FANCM: variants seen among roughly 807,000 people sequenced by gnomAD.
The protein encoded by FANCM is FA complementation group M, also known as Fanconi anemia group M protein.
In FANCM, 140 loss-of-function variants were observed where a neutral mutation model predicts 199.5. The ratio of observed to expected loss-of-function variants is 0.70; its 90% CI spans 0.61 to 0.81. The LOEUF (loss-of-function observed/expected upper bound fraction) is 0.81. FANCM is among the 30% of genes least tolerant of loss of function. FANCM has a pLI of 0.00. For synonymous variants in FANCM, 840 were observed against 836.8 expected (o/e 1.00, Z -0.07); for missense variants, 2,410 against 2,421.4 (o/e 1.00, Z 0.10).
rs375732305 is a variant in FANCM, at chr14:45,196,153, G to A, written c.5341-19G>A. 39 of 1,614,006 alleles carry A rather than the reference G, an allele frequency of 2.4e-5. No homozygotes were observed. In the African/African-American group the frequency reaches 5.1e-4, roughly 21 times the overall value. On this transcript the variant is annotated intron_variant, in intron 20 of 22. Transcript: ENST00000267430. ...TATGCATTTAACCTGAATGTGACCA[G>A]TGTTTTCCACTTTTTCAGGATGGTA...
chr14:45,161,743 C>G (rs1033736877), intron 9 of FANCM, among the ~76,000 whole-genome samples: 12 of 152,026 alleles, frequency 7.9e-5, no homozygotes, highest in African/African-American at 2.9e-4. Context: ...CACCACTGCA[C>G]TTCAGCCTGG....
Position 45,143,754 on chromosome 14 carries a change from C to T in FANCM, c.759+3045C>T, listed in dbSNP as rs192339099. On this transcript the variant is annotated intron_variant, in intron 3 of 22. Coordinates refer to ENST00000267430, the MANE Select transcript of FANCM (RefSeq NM_020937.4). ...TGTCACCCAGGCTGGAGTGCAGTGG[C>T]GCGATCTCGGCTCACTGCAACCTCT... Among the ~76,000 whole-genome samples, 1,399 of 140,694 alleles carry T rather than the reference C, an allele frequency of 9.9e-3. 37 individuals carry two copies. Among genetic ancestry groups the T allele is most frequent in the African/African-American group, 0.036 (1,301 of 36,140 alleles). The allele number at this position is 140,694 out of a possible 152,430, so 92.3% of individuals were successfully genotyped here. A position where few individuals can be genotyped will look rare whatever the true frequency, so the allele number is the denominator to read the frequency against.
chr14:45,152,731 T>C (rs1886915420), intron 5 of FANCM, among the ~76,000 whole-genome samples: 1 of 152,174 alleles, frequency 6.6e-6, no homozygotes, highest in Non-Finnish European at 1.5e-5. Context: ...TTGTACTACA[T>C]GAGAGTAGCT....
In FANCM at chr14:45,176,035, T is replaced by G. The variant is rs1555364837; in HGVS notation, c.3281T>G (p.Leu1094Ter). The G allele has an allele frequency of 3.7e-6, 6 of 1,613,958 alleles. No individual in the cohort carries two copies. Among genetic ancestry groups the G allele is most frequent in the Non-Finnish European group, 5.1e-6 (6 of 1,179,830 alleles). ...CATAAACATAATCAAAATGAAAATT[T>G]AGTACCTAACAATCGTGTTCAAATA... ...DVHKHNQNEN[L>*]VPNNRVQIHR... Residue 1094 changes from leucine to a stop codon, truncating the protein, a stop_gained, in exon 14 of 23, where the codon TTA (leucine) becomes TGA (stop). Transcript: ENST00000267430. LOFTEE classifies it high-confidence loss of function.
At position 45,188,914 on chromosome 14, in the gene FANCM, C is replaced by A. The variant is rs1889580089; in HGVS notation, c.4892C>A (p.Thr1631Asn). The part of the protein sequence containing the change: ...EEVCVDFNLI[T>N]DDCFANSKKY... ...GTTTGTGTTGATTTTAACTTAATAA[C>A]TGATGATTGCTTTGCAAATAGTAAA... The change falls in exon 20 of 23, where the codon ACT becomes AAT. Residue 1631 changes from threonine to asparagine, a missense_variant. By Grantham distance (65) the Thr-to-Asn change is moderately conservative. Transcript: ENST00000267430. 1 of 1,613,724 alleles carries A rather than the reference C, an allele frequency of 6.2e-7. No individual in the cohort carries two copies.
Position 45,198,693 on chromosome 14 carries a change from G to A in FANCM, c.5766G>A (p.Leu1922=). The part of the protein sequence containing the change: ...FRRTKSYDSL[L]TTLIGAGIRI... Reference sequence around the variant, plus strand: ...GAACAAAGAGCTATGACAGCCTGCTGACTACCTTAATTGGCGCTGGAATCC... The same window carrying A: ...GAACAAAGAGCTATGACAGCCTGCTAACTACCTTAATTGGCGCTGGAATCC... The change falls in exon 22 of 23, where the codon CTG becomes CTA. Residue 1922 remains leucine (L), a synonymous_variant. Transcript: ENST00000267430. 6.2e-7 allele frequency: 1 copy of A among 1,613,722 alleles called. No individual in the cohort carries two copies. Among genetic ancestry groups the A allele is most frequent in the East Asian group, 2.2e-5 (1 of 44,852 alleles).
At chr14:45,141,579 C>CCTTT (rs1212912522) in intron 3 of FANCM, among the ~76,000 whole-genome samples, 1 of 141,670 alleles carries the variant, frequency 7.1e-6, no homozygotes, top group African/African-American at 2.6e-5. Context: ...CCTCTCCTTT[C>CCTTT]CTTTCTTTCT....
At chr14:45,153,083 G>A (rs1886936619) in intron 5 of FANCM, among the ~76,000 whole-genome samples, 1 of 152,168 alleles carries the variant, frequency 6.6e-6, no homozygotes, top group East Asian at 1.9e-4. Flanking sequence ...GAAAACAGTA[G>A]TCTTCATCTC....
chr14:45,145,894 C>T (rs1283963281), intron 3 of FANCM, among the ~76,000 whole-genome samples: 5 of 151,646 alleles, frequency 3.3e-5, no homozygotes, highest in South Asian at 2.1e-4. Context: ...CCCGTCTCTA[C>T]TAAAAATACA....
At chr14:45,185,522 T>A (rs1368295398) in intron 18 of FANCM, 149 bp downstream of exon 18, 7 of 570,166 alleles carry the variant, frequency 1.2e-5, no homozygotes, top group Non-Finnish European at 2.1e-5. Context: ...TCATTCAAAT[T>A]CTTTAATACT....
Position 45,153,996 on chromosome 14 carries a change from A to G in FANCM, c.1127A>G (p.Gln376Arg), listed in dbSNP as rs1284198432. The change falls in exon 6 of 23, where the codon CAA becomes CGA. Residue 376 changes from glutamine (Q) to arginine (R), a missense_variant. Gln to Arg is a conservative substitution (Grantham distance 43). Transcript: ENST00000267430. Reference protein sequence around the residue: ...SLYHGYELLQQMGMRSLYFFL... With the variant: ...SLYHGYELLQRMGMRSLYFFL... ...TATCATGGTTATGAATTATTGCAGCAAATGGGAATGAGATCATTATATTTC... is the reference window on the plus strand; with the variant it reads ...TATCATGGTTATGAATTATTGCAGCGAATGGGAATGAGATCATTATATTTC... 23 of 1,589,706 alleles carry G rather than the reference A, an allele frequency of 1.4e-5. No individual in the cohort carries two copies. Among genetic ancestry groups the G allele is most frequent in the Non-Finnish European group, 2.0e-5 (23 of 1,157,818 alleles).
At chr14:45,165,808 A>T (rs1887928546) in intron 10 of FANCM, among the ~76,000 whole-genome samples, 1 of 152,182 alleles carries the variant, frequency 6.6e-6, no homozygotes. Context: ...TCTGTAAAAT[A>T]GTAACAGTGG....
chr14:45,197,359 G>A (rs1890116634), intron 21 of FANCM, among the ~76,000 whole-genome samples: 1 of 152,144 alleles, frequency 6.6e-6, no homozygotes, highest in Non-Finnish European at 1.5e-5. Flanking sequence ...TGTAGTTTAT[G>A]TAAAACATTG....
chr14:45,138,448 G>T (rs950089635), intron 2 of FANCM, among the ~76,000 whole-genome samples: 5 of 151,978 alleles, frequency 3.3e-5, no homozygotes, highest in Non-Finnish European at 7.4e-5. Flanking sequence ...TTCAGGAAAT[G>T]AATATAATAT....
At chr14:45,166,647 A>G (rs556988279) in intron 10 of FANCM, among the ~76,000 whole-genome samples, 2 of 151,988 alleles carry the variant, frequency 1.3e-5, no homozygotes, top group African/African-American at 4.8e-5. Flanking sequence ...GTGGTAGCTC[A>G]CACCTGTAGT....
Position 45,155,398 on chromosome 14 carries a change from T to G in FANCM, c.1335T>G (p.Tyr445Ter), listed in dbSNP as rs1270367757. The change falls in exon 8 of 23, where the codon TAT (tyrosine) becomes TAG (stop). Residue 445 changes from tyrosine (Y) to a stop codon, truncating the protein, a stop_gained. Transcript: ENST00000267430. LOFTEE classifies it high-confidence loss of function. Reference sequence around the variant, plus strand: ...GAGATAAAAATAAAAAATTTGTTTATAGTCATCCAAAGTTAAAGAAATTAG... The same window carrying G: ...GAGATAAAAATAAAAAATTTGTTTAGAGTCATCCAAAGTTAAAGAAATTAG... ...QQGDKNKKFV[Y>*]SHPKLKKLEE... The G allele has an allele frequency of 1.4e-6, 2 of 1,437,404 alleles. No homozygotes were observed. Among genetic ancestry groups the G allele is most frequent in the Middle Eastern group, 3.5e-4 (2 of 5,670 alleles). 89.0% of individuals were successfully genotyped at this position (1,437,404 alleles called of 1,614,324 possible).
chr14:45,176,074 C>T lies in FANCM; in HGVS notation c.3320C>T (p.Ala1107Val). 1.2e-6 allele frequency: 2 copies of T among 1,614,026 alleles called. No individual in the cohort carries two copies. ...CGTGTTCAAATACACAGAAGCCCTG[C>T]ACAGAATTTAGTTGGAGAGAACAAT... ...NNRVQIHRSP[A>V]QNLVGENNHD... Residue 1107 changes from alanine (A) to valine (V), a missense_variant, in exon 14 of 23, where the codon GCA (alanine) becomes GTA (valine). Physicochemically the swap from Ala to Val is moderately conservative, Grantham distance 64 (BLOSUM62 0). Coordinates refer to ENST00000267430, the MANE Select transcript of FANCM (RefSeq NM_020937.4).
chr14:45,146,166 G>A (rs966496902), intron 3 of FANCM, among the ~76,000 whole-genome samples: 6 of 151,174 alleles, frequency 4.0e-5, no homozygotes, highest in African/African-American at 1.5e-4. Flanking sequence ...GCGTGAACCC[G>A]GGAGGCAGAG....
At chr14:45,152,372 T>A (rs1352002243) in intron 5 of FANCM, among the ~76,000 whole-genome samples, 1 of 152,178 alleles carries the variant, frequency 6.6e-6, no homozygotes, top group African/African-American at 2.4e-5. Flanking sequence ...TGTCTTTTAG[T>A]CTATTTATTT....
Sources: gnomAD v4.1 joint callset for allele counts (sites outside exome capture counted in the v4.1 genomes callset) on GRCh38, gnomAD v4.1.1 for gene constraint, MANE v1.5 for transcripts, NCBI Gene and HGNC (gene_info 2026-07-23, HGNC 2026-07-21) for gene names.